Variants in NETO1 observed in about 807,000 individuals in gnomAD.
NETO1 encodes neuropilin and tolloid-like protein 1.
NETO1 carries 26 observed loss-of-function variants against 61.3 expected under a neutral mutation model. That is an observed-to-expected ratio of 0.42 (90% CI 0.31 to 0.59). The LOEUF (loss-of-function observed/expected upper bound fraction) is 0.59, where lower values mean the gene tolerates loss of function less well. NETO1 is among the 20% of genes least tolerant of loss of function. NETO1 has a pLI of 0.12. For missense variants in NETO1, 531 were observed against 662.8 expected, an observed-to-expected ratio of 0.80 and a Z score of 2.18; for synonymous variants, 225 against 225.8, an observed-to-expected ratio of 1.00 and a Z score of 0.03.
chr18:72,766,659 T>C (rs2071172393), intron 7 of NETO1, among the ~76,000 whole-genome samples: 1 of 152,238 alleles, frequency 6.6e-6, no homozygotes, highest in African/African-American at 2.4e-5. Context: ...CAAATTTCAA[T>C]TTGATCTCAC....
intron 4 of NETO1, among the ~76,000 whole-genome samples, chr18:72,823,905 G>A (rs1314060726): frequency 6.6e-6 from 1 of 152,064 alleles, no homozygotes. Context: ...AAACAGAGGA[G>A]AAGCTTGCAG....
intron 4 of NETO1, among the ~76,000 whole-genome samples, chr18:72,796,960 G>A (rs2072336570): frequency 6.6e-6 from 1 of 152,026 alleles, no homozygotes; most frequent in Non-Finnish European, 1.5e-5. Context: ...TGTAATAAAA[G>A]CCATGTTTTG....
intron 6 of NETO1, among the ~76,000 whole-genome samples, chr18:72,785,691 T>C (rs2071890701): frequency 6.6e-6 from 1 of 152,236 alleles, no homozygotes; most frequent in East Asian, 1.9e-4. Flanking sequence ...TGGTGTATAA[T>C]TTTTAAAAAG....
At chr18:72,753,029 A>G (rs2070673906) in intron 8 of NETO1, among the ~76,000 whole-genome samples, 1 of 152,134 alleles carries the variant, frequency 6.6e-6, no homozygotes, top group Non-Finnish European at 1.5e-5. Flanking sequence ...TGGCAAATCA[A>G]CAAGCACACT....
intron 7 of NETO1, among the ~76,000 whole-genome samples, chr18:72,763,894 G>A (rs2071065107): frequency 2.0e-5 from 3 of 152,130 alleles, no homozygotes; most frequent in Admixed American, 2.0e-4. Flanking sequence ...CATGACTAGG[G>A]AGACCTCAGG....
intron 3 of NETO1, 151 bp downstream of exon 3, chr18:72,864,657 T>G: frequency 9.7e-7 from 1 of 1,028,086 alleles, no homozygotes; most frequent in South Asian, 1.5e-5. Context: ...TGATTCCAGA[T>G]TTTACAGTTA....
intron 4 of NETO1, among the ~76,000 whole-genome samples, chr18:72,848,276 C>A (rs2074148446): frequency 6.6e-6 from 1 of 152,170 alleles, no homozygotes; most frequent in African/African-American, 2.4e-5. Flanking sequence ...CACCAAGATT[C>A]ATATCAACCC....
At chr18:72,867,182 C>G (rs1464729238) in intron 1 of NETO1, 82 bp downstream of exon 1, 2 of 1,121,480 alleles carry the variant, frequency 1.8e-6, no homozygotes, top group African/African-American at 3.2e-5. Flanking sequence ...GGCGCAGAGG[C>G]TTTTCCTGCG....
At chr18:72,769,630 T>A (rs960715730) in intron 7 of NETO1, among the ~76,000 whole-genome samples, 1 of 152,154 alleles carries the variant, frequency 6.6e-6, no homozygotes, top group Non-Finnish European at 1.5e-5. Context: ...CACCCAAATA[T>A]AACCATTAAT....
At chr18:72,821,360 C>A (rs912683969) in intron 4 of NETO1, among the ~76,000 whole-genome samples, 1 of 149,684 alleles carries the variant, frequency 6.7e-6, no homozygotes, top group East Asian at 2.0e-4. Flanking sequence ...CTGACCAACA[C>A]GGAGAAACCC....
In NETO1 at chr18:72,816,051, A is replaced by ATCTC. The variant is rs146863083; in HGVS notation, c.470-21651_470-21648dup. Reference sequence around the variant, plus strand: ...GAATTTTTAATCAGAATTAGGATCGATCTCTCTCTCTCTCTCTCTCCCTCT... The same window carrying ATCTC: ...GAATTTTTAATCAGAATTAGGATCGATCTCTCTCTCTCTCTCTCTCTCTCCCTCT... On this transcript the variant is annotated intron_variant, in intron 4 of 10. Transcript: ENST00000327305. Among the ~76,000 whole-genome samples, 242 of 144,596 alleles carry ATCTC rather than the reference A, an allele frequency of 1.7e-3. 3 individuals carry two copies. The highest frequency in any genetic ancestry group is 7.5e-3 in the Middle Eastern group (2 of 268). The allele number at this position is 144,596 out of a possible 152,430, so 94.9% of individuals were successfully genotyped here.
chr18:72,867,064 G>C (rs182856410), intron 1 of NETO1, 200 bp downstream of exon 1: 1 of 471,006 alleles, frequency 2.1e-6, no homozygotes, highest in Non-Finnish European at 3.6e-6. Flanking sequence ...TTTGGGATCC[G>C]GCGACGGCTG....
At chr18:72,849,716 C>T (rs992425853) in intron 4 of NETO1, among the ~76,000 whole-genome samples, 6 of 152,176 alleles carry the variant, frequency 3.9e-5, no homozygotes, top group African/African-American at 1.4e-4. Context: ...TAATAAACAA[C>T]AGGAATTTAT....
rs576944288 is a variant in NETO1 at position 72,789,239 on chromosome 18, CACACACACACAT to C, written c.639+4866_639+4877del. ...ACACACACACACACACACACACACACACACACACACATGTGCACAGCACAATTCCTGATATAA... is the reference window on the plus strand; with the variant it reads ...ACACACACACACACACACACACACACGTGCACAGCACAATTCCTGATATAA... On this transcript the variant is annotated intron_variant, in intron 6 of 10. Transcript: ENST00000327305. Among the ~76,000 whole-genome samples the C allele has an allele frequency of 2.8e-3, 284 of 101,456 alleles. 6 individuals carry two copies. In the East Asian group the frequency reaches 0.051, roughly 18 times the overall value. 66.6% of individuals were successfully genotyped at this position (101,456 alleles called of 152,430 possible).
At chr18:72,773,545 G>A (rs2145188957) in intron 7 of NETO1, among the ~76,000 whole-genome samples, 1 of 152,230 alleles carries the variant, frequency 6.6e-6, no homozygotes, top group East Asian at 1.9e-4. Context: ...CAGGTGTCAA[G>A]CGCAGGAACA....
In NETO1 at chr18:72,780,179, G is replaced by A. The variant is rs77474963; in HGVS notation, c.868+3499C>T. 2.0e-3 allele frequency among the ~76,000 whole-genome samples: 310 copies of A among 152,278 alleles called. 2 individuals carry two copies. The highest frequency in any genetic ancestry group is 3.8e-3 in the Non-Finnish European group (260 of 68,022). On this transcript the variant is annotated intron_variant, in intron 7 of 10. Coordinates refer to ENST00000327305, the MANE Select transcript of NETO1 (RefSeq NM_138966.5). ...ACTAAAGGATAAACCTGTTTCCGTG[G>A]AAACTTCCTGTAAATTTATGAGATG...
chr18:72,819,738 AT>A (rs1320229065), intron 4 of NETO1, among the ~76,000 whole-genome samples: 1 of 152,156 alleles, frequency 6.6e-6, no homozygotes, highest in Non-Finnish European at 1.5e-5. Flanking sequence ...ATACCAAAAA[AT>A]AATATTAAAC....
At chr18:72,760,937 A>G (rs926266229) in intron 7 of NETO1, among the ~76,000 whole-genome samples, 8 of 152,204 alleles carry the variant, frequency 5.3e-5, no homozygotes, top group Admixed American at 3.9e-4. Context: ...AATGTGATAG[A>G]TCTTTAAAAA....
At chr18:72,789,056 C>A (rs1324085955) in intron 6 of NETO1, among the ~76,000 whole-genome samples, 2 of 152,044 alleles carry the variant, frequency 1.3e-5, no homozygotes, top group South Asian at 2.1e-4. Context: ...AAATATGTAG[C>A]CCAGGATTTC....
Sources: allele counts gnomAD v4.1 joint callset (sites outside exome capture counted in the v4.1 genomes callset), GRCh38; gene constraint gnomAD v4.1.1; transcripts MANE v1.5; gene names NCBI Gene and HGNC (gene_info 2026-07-23, HGNC 2026-07-21).